The following ERCC3 variants were observed in gnomAD, a reference collection of about 807,000 sequenced individuals.
ERCC3 encodes the protein ERCC excision repair 3, TFIIH core complex helicase subunit, also known as general transcription and DNA repair factor IIH helicase/translocase subunit XPB.
Under a neutral mutation model 94.2 loss-of-function variants are expected in ERCC3, and 66 were observed. The observed-to-expected ratio is 0.70, with a 90% CI of 0.57 to 0.86. ERCC3 has a LOEUF of 0.86. Among genes scored for constraint, ERCC3 ranks in the 40% least tolerant of loss-of-function variants. The pLI is 0.00. For missense variants in ERCC3, 829 were observed against 987.1 expected (o/e 0.84, Z 2.15); for synonymous variants, 349 against 369.1 (o/e 0.95, Z 0.63).
Position 127,271,935 on chromosome 2 carries a change from G to A in ERCC3, c.1828-482C>T, listed in dbSNP as rs977038947. Among the ~76,000 whole-genome samples the A allele has an allele frequency of 1.7e-4, 25 of 151,254 alleles. No individual in the cohort carries two copies. The highest frequency in any genetic ancestry group is 4.9e-5 in the African/African-American group (2 of 41,140). ...CCTCAGCTCTGGGGCTCCAAACATC[G>A]AGGTTCCCAGCCACAGACATGAAGG... On this transcript the variant is annotated intron_variant, in intron 11 of 14. Transcript: ENST00000285398. This position sits in a 1 kb window ranked among gnomAD's most constrained non-coding sequence, Gnocchi z 5.0.
At chr2:127,270,139 T>C (rs1489570689) in intron 12 of ERCC3, among the ~76,000 whole-genome samples, 1 of 152,218 alleles carries the variant, frequency 6.6e-6, no homozygotes, top group Non-Finnish European at 1.5e-5. Context: ...TAAAAGCTAC[T>C]GTCTCAGCCT....
rs2104757531 is a variant in ERCC3, at chr2:127,277,667, G to A, written c.1730+1506C>T. On this transcript the variant is annotated intron_variant, in intron 10 of 14. Coordinates refer to ENST00000285398, the MANE Select transcript of ERCC3 (RefSeq NM_000122.2). The surrounding 1 kb of genome is among the most constrained non-coding windows in gnomAD (Gnocchi z 5.1). ...GATAGCGCCACTGCACTCCAGCCTGGCAACAGAGCAAGACTCCGTCTCAAA... is the reference window on the plus strand; with the variant it reads ...GATAGCGCCACTGCACTCCAGCCTGACAACAGAGCAAGACTCCGTCTCAAA... 6.6e-6 allele frequency among the ~76,000 whole-genome samples: 1 copy of A among 152,084 alleles called. No homozygotes were observed. Among genetic ancestry groups the A allele is most frequent in the Admixed American group, 6.5e-5 (1 of 15,292 alleles).
chr2:127,282,735 TAG>T (rs1684954990), intron 8 of ERCC3, among the ~76,000 whole-genome samples: 1 of 152,188 alleles, frequency 6.6e-6, no homozygotes, highest in Non-Finnish European at 1.5e-5. Flanking sequence ...AAAAATCCCT[TAG>T]AGTTTGTTGG....
In ERCC3 at chr2:127,279,086, C is replaced by CA. The variant is rs1401927707; in HGVS notation, c.1730+86dup. On this transcript the variant is annotated intron_variant, in intron 10 of 14. Transcript: ENST00000285398. This position sits in a 1 kb window ranked among gnomAD's most constrained non-coding sequence, Gnocchi z 4.7. ...GCCCAAGAAGTTCCTGAGAGAAAAA[C>CA]AAAAAAACAAAACAACAGCCACCTT... 5.0e-5 allele frequency: 46 copies of CA among 928,626 alleles called. 1 individual carries two copies. The Admixed American group carries it at 6.4e-4, about 13-fold the overall frequency. 57.5% of individuals were successfully genotyped at this position (928,626 alleles called of 1,614,324 possible).
intron 10 of ERCC3, among the ~76,000 whole-genome samples, chr2:127,278,307 C>A (rs62157543): frequency 0.013 from 1,991 of 151,214 alleles, 46 homozygotes; most frequent in African/African-American, 0.046. Context: ...GAGTCAAAAG[C>A]GGCTGTCTTC....
In ERCC3 at chr2:127,258,415, G is replaced by A. The variant is rs142009990; in HGVS notation, c.2218-688C>T. ...ACCTCAATGACCTCATCTGTAAAATGGGGATAACCACATCAGTGCTGACAT... is the reference window on the plus strand; with the variant it reads ...ACCTCAATGACCTCATCTGTAAAATAGGGATAACCACATCAGTGCTGACAT... On this transcript the variant is annotated intron_variant, in intron 14 of 14. Transcript: ENST00000285398. This position sits in a 1 kb window ranked among gnomAD's most constrained non-coding sequence, Gnocchi z 4.1. 8.6e-3 allele frequency among the ~76,000 whole-genome samples: 1,313 copies of A among 152,260 alleles called. 18 individuals are homozygous for A. Among genetic ancestry groups the A allele is most frequent in the African/African-American group, 0.03 (1,252 of 41,550 alleles).
At chr2:127,290,542 C>G in intron 3 of ERCC3, 1 of 512,774 alleles carries the variant, frequency 2.0e-6, no homozygotes, top group South Asian at 2.0e-5. Context: ...TGCATTCTGC[C>G]TTTCCTCTCT....
intron 6 of ERCC3, 107 bp from the exon 7 acceptor site, chr2:127,288,971 T>C: frequency 1.0e-6 from 1 of 990,714 alleles, no homozygotes; most frequent in Non-Finnish European, 1.6e-6. Context: ...TATCTAAACT[T>C]CTACAAGATT....
chr2:127,273,341 A>C (rs190679662), intron 10 of ERCC3, among the ~76,000 whole-genome samples: 1 of 152,232 alleles, frequency 6.6e-6, no homozygotes, highest in Non-Finnish European at 1.5e-5. Flanking sequence ...GCTGGAAGCA[A>C]CTGTTTGCCA....
At chr2:127,288,354 T>C (rs1685148391) in intron 7 of ERCC3, among the ~76,000 whole-genome samples, 1 of 152,188 alleles carries the variant, frequency 6.6e-6, no homozygotes, top group Non-Finnish European at 1.5e-5. Flanking sequence ...TGCTCTAATT[T>C]TTCTTCGCTG....
intron 8 of ERCC3, among the ~76,000 whole-genome samples, chr2:127,283,692 A>T (rs1198347537): frequency 6.6e-6 from 1 of 152,210 alleles, no homozygotes; most frequent in Non-Finnish European, 1.5e-5. Context: ...GGAATGTGTG[A>T]CAGTTCAGTT....
chr2:127,285,085 C>T (rs1475162964), intron 8 of ERCC3, among the ~76,000 whole-genome samples: 2 of 152,040 alleles, frequency 1.3e-5, no homozygotes, highest in Non-Finnish European at 2.9e-5. Context: ...CTGATAAATG[C>T]TAAGGCACAG....
chr2:127,279,157 A>G lies in ERCC3; in HGVS notation c.1730+16T>C, dbSNP rs202086538. 3 of 1,582,064 alleles carry G rather than the reference A, an allele frequency of 1.9e-6. No individual in the cohort carries two copies. Among genetic ancestry groups the G allele is most frequent in the Admixed American group, 1.7e-5 (1 of 59,972 alleles). ...AGAAACTGGCCTGGAGGAAGCTCCA[A>G]GTTTTCAATTCTTACTTGTTCAGTC... On this transcript the variant is annotated intron_variant, in intron 10 of 14. Transcript: ENST00000285398. This position sits in a 1 kb window ranked among gnomAD's most constrained non-coding sequence, Gnocchi z 4.7.
chr2:127,263,036 T>C (rs888435492), intron 12 of ERCC3, among the ~76,000 whole-genome samples: 15 of 152,248 alleles, frequency 9.9e-5, no homozygotes, highest in Non-Finnish European at 1.8e-4. Flanking sequence ...TCTGTACCAG[T>C]ACCATGCTGT....
In ERCC3 at chr2:127,292,646, C is replaced by G. The variant is rs1285060522; in HGVS notation, c.435G>C (p.Lys145Asn). Residue 145 changes from lysine (K) to asparagine (N), a missense_variant, in exon 3 of 15, where the codon AAG (lysine) becomes AAC (asparagine). Transcript: ENST00000285398. ...GCATAATTCCATCAGGGACTCCAGT[C>G]TTGCTGAGCTTCCTGAGGTACTCGG... Reference protein sequence around the residue: ...DITEYLRKLSKTGVPDGIMQF... With the variant: ...DITEYLRKLSNTGVPDGIMQF... The G allele has an allele frequency of 6.2e-7, 1 of 1,614,070 alleles. No homozygotes were observed. Among genetic ancestry groups the G allele is most frequent in the South Asian group, 1.1e-5 (1 of 91,080 alleles).
rs767573920 is a variant in ERCC3, at chr2:127,286,771, C to T, written c.1274G>A (p.Arg425Gln). 5 of 1,614,162 alleles carry T rather than the reference C, an allele frequency of 3.1e-6. No individual in the cohort carries two copies. The highest frequency in any genetic ancestry group is 2.2e-5 in the South Asian group (2 of 91,082). Residue 425 changes from arginine to glutamine, a missense_variant, in exon 8 of 15, where the codon CGA (arginine) becomes CAA (glutamine). Transcript: ENST00000285398. The part of the protein sequence containing the change: ...HTTKRSWEAE[R>Q]VMEWLKTQEW... ...CTGGGTCTTGAGCCACTCCATGACT[C>T]GCTCGGCCTCCCAGGACCTTTTGGT...
rs772307115 is a variant in ERCC3, at chr2:127,257,720, C to T, written c.2225G>A (p.Arg742Gln). ...CATAGAACTCATGGTGCCAAAGCGC[C>T]GAGATGCCTGCCGGGAAGGGGGAAC... is the stretch of plus-strand genomic sequence containing the variant. ...EFGSRSSQAS[R>Q]RFGTMSSMSG... is the part of the protein sequence containing the mutation. Residue 742 changes from arginine to glutamine, a missense_variant, in exon 15 of 15, where the codon CGG (arginine) becomes CAG (glutamine). Arg to Gln is a conservative substitution (Grantham distance 43). Transcript: ENST00000285398. The surrounding 1 kb of genome is among the most constrained non-coding windows in gnomAD (Gnocchi z 5.4). 6.8e-6 allele frequency: 11 copies of T among 1,613,994 alleles called. No homozygotes were observed. The highest frequency in any genetic ancestry group is 3.3e-5 in the South Asian group (3 of 91,080).
Position 127,286,820 on chromosome 2 carries a change from T to G in ERCC3, c.1225A>C (p.Thr409Pro). The change falls in exon 8 of 15, where the codon ACC becomes CCC. Residue 409 changes from threonine to proline, a missense_variant. Transcript: ENST00000285398. ...GTGGTGTGGCCCAGCATGGAGTAGG[T>G]GCTAATGGCAACGGAGCAGCCGATG... ...KPIGCSVAIS[T>P]YSMLGHTTKR... The G allele has an allele frequency of 1.2e-6, 2 of 1,614,098 alleles. No individual in the cohort carries two copies. Among genetic ancestry groups the G allele is most frequent in the Non-Finnish European group, 1.7e-6 (2 of 1,180,006 alleles).
In ERCC3 at chr2:127,287,004, G is replaced by A. The variant is rs1685095641; in HGVS notation, c.1041C>T (p.Ser347=). The A allele has an allele frequency of 3.7e-6, 6 of 1,612,162 alleles. No homozygotes were observed. In the East Asian group the frequency reaches 8.9e-5, roughly 24 times the overall value. The change falls in exon 8 of 15, where the codon TCC becomes TCT. Residue 347 remains serine, a synonymous_variant. Coordinates refer to ENST00000285398, the MANE Select transcript of ERCC3 (RefSeq NM_000122.2). ...VIVLPCGAGK[S]LVGVTAACTV... ...TGCATGCAGCAGTCACACCAACCAG[G>A]GACTTTCCAGCACCTACAAGAAACA...
Sources: gnomAD v4.1 joint callset for allele counts (sites outside exome capture counted in the v4.1 genomes callset) on GRCh38, gnomAD v4.1.1 for gene constraint, Gnocchi (gnomAD v3.1) non-coding constraint, MANE v1.5 for transcripts, NCBI Gene and HGNC (gene_info 2026-07-23, HGNC 2026-07-21) for gene names.